Variants in SLC35F3 observed in about 807,000 individuals in gnomAD.
SLC35F3 encodes the protein putative thiamine transporter SLC35F3.
SLC35F3 carries 25 observed loss-of-function variants against 49.9 expected under a neutral mutation model. That is an observed-to-expected ratio of 0.50 (90% CI 0.37 to 0.70). SLC35F3 has a LOEUF of 0.70. Ranked by LOEUF, SLC35F3 falls within the 30% of genes least tolerant of loss-of-function variation. SLC35F3 has a pLI of 0.00. For missense variants in SLC35F3, 525 were observed against 639.8 expected, an observed-to-expected ratio of 0.82 and a Z score of 1.94; for synonymous variants, 275 against 265.4, an observed-to-expected ratio of 1.04 and a Z score of -0.35.
chr1:233,952,278 C>A (rs1662620295), intron 2 of SLC35F3, among the ~76,000 whole-genome samples: 1 of 151,996 alleles, frequency 6.6e-6, no homozygotes, highest in African/African-American at 2.4e-5. Context: ...TTTCTGTATT[C>A]TTTATCTGCC....
intron 2 of SLC35F3, among the ~76,000 whole-genome samples, chr1:234,106,313 G>A (rs1044744578): frequency 2.0e-5 from 3 of 152,202 alleles, no homozygotes. Context: ...ATAAAAGAAA[G>A]AAAGAGCAAT....
rs147848412 is a variant in SLC35F3, at chr1:233,950,784, A to G, written c.283+45026A>G. Among the ~76,000 whole-genome samples, 39 of 152,210 alleles carry G rather than the reference A, an allele frequency of 2.6e-4. 1 individual carries two copies. The East Asian group carries it at 7.3e-3, about 29-fold the overall frequency. On this transcript the variant is annotated intron_variant, in intron 2 of 7. Coordinates refer to ENST00000366618, the MANE Select transcript of SLC35F3 (RefSeq NM_173508.4). ...CAGAGTTTTAACTCCCTTGACATCT[A>G]TATTTTTATTAATTTATCTGCTTGT...
intron 3 of SLC35F3, among the ~76,000 whole-genome samples, chr1:234,234,793 T>G (rs1475640156): frequency 2.0e-5 from 3 of 152,164 alleles, no homozygotes; most frequent in Admixed American, 6.5e-5. Flanking sequence ...AGATGCCCAT[T>G]TGTAAATGGG....
chr1:234,042,318 T>A (rs765967496), intron 2 of SLC35F3, among the ~76,000 whole-genome samples: 17 of 152,188 alleles, frequency 1.1e-4, no homozygotes, highest in Non-Finnish European at 1.8e-4. Flanking sequence ...TACATTCTGA[T>A]GATATGGTAC....
chr1:234,031,874 GAC>G (rs1664067719), intron 2 of SLC35F3, among the ~76,000 whole-genome samples: 1 of 152,156 alleles, frequency 6.6e-6, no homozygotes, highest in African/African-American at 2.4e-5. Flanking sequence ...ACACTGTCTA[GAC>G]ACAGCCTGGA....
Position 234,027,524 on chromosome 1 carries a change from A to G in SLC35F3, c.283+121766A>G, listed in dbSNP as rs1663996552. ...AGTCCATTCGGTAGTGGTTTAAAGA[A>G]TGGAGAGTGGGGTCTTAGACTCGCA... On this transcript the variant is annotated intron_variant, in intron 2 of 7. Coordinates refer to ENST00000366618, the MANE Select transcript of SLC35F3 (RefSeq NM_173508.4). This position sits in a 1 kb window ranked among gnomAD's most constrained non-coding sequence, Gnocchi z 4.1. Among the ~76,000 whole-genome samples, 1 of 152,204 alleles carries G rather than the reference A, an allele frequency of 6.6e-6. No individual in the cohort carries two copies. The highest frequency in any genetic ancestry group is 2.4e-5 in the African/African-American group (1 of 41,458).
At chr1:234,162,253 C>T (rs1244473631) in intron 2 of SLC35F3, among the ~76,000 whole-genome samples, 2 of 151,744 alleles carry the variant, frequency 1.3e-5, no homozygotes, top group Non-Finnish European at 2.9e-5. Flanking sequence ...TCTGTGGCTA[C>T]GATGCTGTGT....
intron 2 of SLC35F3, among the ~76,000 whole-genome samples, chr1:234,167,581 A>T (rs73108441): frequency 0.081 from 12,406 of 152,242 alleles, 1,652 homozygotes; most frequent in African/African-American, 0.28. Flanking sequence ...GAGTCTTACC[A>T]CAACAGAGCA....
chr1:234,018,058 T>G (rs1395390409), intron 2 of SLC35F3, among the ~76,000 whole-genome samples: 1 of 151,840 alleles, frequency 6.6e-6, no homozygotes, highest in Non-Finnish European at 1.5e-5. Flanking sequence ...GTTTACAATA[T>G]GGGAGATGAA....
At position 234,320,776 on chromosome 1, in the gene SLC35F3, G is replaced by A. The variant is rs1657597502; in HGVS notation, c.1237+589G>A. On this transcript the variant is annotated intron_variant, in intron 7 of 7. Transcript: ENST00000366618. The surrounding 1 kb of genome is among the most constrained non-coding windows in gnomAD (Gnocchi z 4.8). Reference sequence around the variant, plus strand: ...TTTTCCCCTGGGGACTCGTTGCCAAGGCACACAGTTGACAGCTCTTTCAGA... The same window carrying A: ...TTTTCCCCTGGGGACTCGTTGCCAAAGCACACAGTTGACAGCTCTTTCAGA... Among the ~76,000 whole-genome samples, 1 of 152,136 alleles carries A rather than the reference G, an allele frequency of 6.6e-6. No homozygotes were observed. The highest frequency in any genetic ancestry group is 2.1e-4 in the South Asian group (1 of 4,824).
intron 2 of SLC35F3, among the ~76,000 whole-genome samples, chr1:234,201,313 T>C (rs1308351605): frequency 2.0e-5 from 3 of 152,244 alleles, no homozygotes; most frequent in Admixed American, 2.0e-4. Context: ...TGAAAGTGAT[T>C]TTTGATTCCA....
At chr1:234,142,581 G>C (rs1665933877) in intron 2 of SLC35F3, among the ~76,000 whole-genome samples, 1 of 145,556 alleles carries the variant, frequency 6.9e-6, no homozygotes, top group Admixed American at 6.6e-5. Flanking sequence ...TTACTGCCCA[G>C]GGGCATTTGG....
intron 2 of SLC35F3, among the ~76,000 whole-genome samples, chr1:233,979,993 A>G (rs1663154104): frequency 6.6e-6 from 1 of 152,206 alleles, no homozygotes; most frequent in Admixed American, 6.5e-5. Flanking sequence ...GATCTCCACC[A>G]GTTGTGCCCC....
chr1:233,905,305 G>T (rs548698741), intron 1 of SLC35F3, among the ~76,000 whole-genome samples, 175 bp downstream of exon 1: 2 of 152,164 alleles, frequency 1.3e-5, no homozygotes, highest in Admixed American at 6.5e-5. Flanking sequence ...GCCCCAACCC[G>T]CACTGCCCCG....
chr1:234,009,469 T>A (rs4442429), intron 2 of SLC35F3, among the ~76,000 whole-genome samples: 10,825 of 152,258 alleles, frequency 0.071, 623 homozygotes, highest in East Asian at 0.25. Context: ...TTTCTTTTAA[T>A]TTGCTTATCC....
At chr1:234,136,142 C>A (rs564121905) in intron 2 of SLC35F3, among the ~76,000 whole-genome samples, 1 of 152,240 alleles carries the variant, frequency 6.6e-6, no homozygotes, top group African/African-American at 2.4e-5. Flanking sequence ...TACAGCTTAG[C>A]TTTTCCCCAT....
intron 2 of SLC35F3, among the ~76,000 whole-genome samples, chr1:234,163,080 T>C (rs570836049): frequency 5.9e-5 from 9 of 152,358 alleles, no homozygotes; most frequent in African/African-American, 1.9e-4. Flanking sequence ...CAGACCGTTT[T>C]GCTCTTTGGG....
intron 2 of SLC35F3, among the ~76,000 whole-genome samples, chr1:233,961,491 T>G (rs1272216921): frequency 6.7e-6 from 1 of 148,980 alleles, no homozygotes; most frequent in Non-Finnish European, 1.5e-5. Context: ...AAGTCTCGCT[T>G]TGTCCTCCAG....
At chr1:233,927,442 A>G (rs1255365308) in intron 2 of SLC35F3, among the ~76,000 whole-genome samples, 2 of 152,170 alleles carry the variant, frequency 1.3e-5, no homozygotes, top group Non-Finnish European at 2.9e-5. Context: ...AATAAGAATA[A>G]GATTGATGCT....
Sources: allele counts gnomAD v4.1 joint callset (sites outside exome capture counted in the v4.1 genomes callset), GRCh38; gene constraint gnomAD v4.1.1; non-coding constraint Gnocchi (gnomAD v3.1); transcripts MANE v1.5; gene names NCBI Gene and HGNC (gene_info 2026-07-23, HGNC 2026-07-21).